Variants in BTRC observed in about 807,000 individuals in gnomAD.
BTRC encodes the protein beta-transducin repeat containing E3 ubiquitin protein ligase.
A neutral mutation model predicts 85.5 loss-of-function variants in BTRC; 42 were observed. The observed-to-expected ratio is 0.49, with a 90% confidence interval of 0.38 to 0.64. BTRC has a LOEUF of 0.64. BTRC is among the 30% of genes least tolerant of loss of function. The probability of loss-of-function intolerance (pLI) is 0.00; values close to 1 mark genes in which losing one functional copy is unlikely to be tolerated. For synonymous variants in BTRC, 255 were observed against 263.3 expected, an observed-to-expected ratio of 0.97 and a Z score of 0.30; for missense variants, 594 against 743.5, an observed-to-expected ratio of 0.80 and a Z score of 2.34.
chr10:101,427,342 T>G (rs1475016415), intron 1 of BTRC, among the ~76,000 whole-genome samples: 2 of 152,002 alleles, frequency 1.3e-5, no homozygotes, highest in Non-Finnish European at 2.9e-5. Flanking sequence ...GGTCTTGATC[T>G]CTTGACCTTG....
chr10:101,425,433 G>A (rs958676360), intron 1 of BTRC, among the ~76,000 whole-genome samples: 1 of 152,112 alleles, frequency 6.6e-6, no homozygotes, highest in Non-Finnish European at 1.5e-5. Context: ...ACGTTAGGTG[G>A]GAACTGAGCT....
At chr10:101,390,848 T>C (rs1386463468) in intron 1 of BTRC, among the ~76,000 whole-genome samples, 1 of 152,154 alleles carries the variant, frequency 6.6e-6, no homozygotes, top group African/African-American at 2.4e-5. Context: ...AATTTTCCTG[T>C]CCCAAGCAGC....
chr10:101,450,929 G>A (rs760763226), intron 2 of BTRC, among the ~76,000 whole-genome samples: 4 of 152,070 alleles, frequency 2.6e-5, no homozygotes, highest in Non-Finnish European at 4.4e-5. Context: ...TAATATATGT[G>A]CTCAGTAACT....
chr10:101,494,473 A>G (rs1946210761), intron 4 of BTRC, among the ~76,000 whole-genome samples: 2 of 152,238 alleles, frequency 1.3e-5, no homozygotes, highest in African/African-American at 2.4e-5. Flanking sequence ...AATGTTTGCT[A>G]TATCATAACT....
intron 4 of BTRC, among the ~76,000 whole-genome samples, chr10:101,514,050 T>G (rs1318735249): frequency 6.6e-6 from 1 of 152,254 alleles, no homozygotes; most frequent in Non-Finnish European, 1.5e-5. Flanking sequence ...TTTCATATGC[T>G]TATTGGCATC....
chr10:101,429,519 C>T, intron 1 of BTRC, among the ~76,000 whole-genome samples: 1 of 123,970 alleles, frequency 8.1e-6, no homozygotes, highest in African/African-American at 3.0e-5. Context: ...CCCTCCCCTC[C>T]CTCCCTTCCT....
At chr10:101,420,841 G>A (rs1944081996) in intron 1 of BTRC, among the ~76,000 whole-genome samples, 1 of 151,672 alleles carries the variant, frequency 6.6e-6, no homozygotes, top group African/African-American at 2.4e-5. Flanking sequence ...AGAGGGAGAG[G>A]TATCAGTTAA....
At chr10:101,373,939 G>C (rs1428605216) in intron 1 of BTRC, among the ~76,000 whole-genome samples, 1 of 124,100 alleles carries the variant, frequency 8.1e-6, no homozygotes, top group Admixed American at 8.2e-5. Context: ...AAACAAGACA[G>C]AAAAAAAAAA....
chr10:101,354,607 C>A, intron 1 of BTRC: 1 of 278,448 alleles, frequency 3.6e-6, no homozygotes, highest in Non-Finnish European at 6.7e-6. Context: ...GTCAGGGTTA[C>A]CGGTAAGGCC....
chr10:101,481,732 G>GT (rs1945839617), intron 4 of BTRC, among the ~76,000 whole-genome samples: 1 of 152,116 alleles, frequency 6.6e-6, no homozygotes, highest in Admixed American at 6.5e-5. Flanking sequence ...CTCCCAGGTG[G>GT]TGACCTTCTC....
At chr10:101,534,587 A>G (rs533599455) in intron 9 of BTRC, 74 bp from the exon 10 acceptor site, 2 of 1,570,146 alleles carry the variant, frequency 1.3e-6, no homozygotes, top group African/African-American at 2.7e-5. Flanking sequence ...AAGGGGTGGA[A>G]GGGCGCATGA....
At chr10:101,468,045 C>T (rs1043815755) in intron 3 of BTRC, among the ~76,000 whole-genome samples, 4 of 152,070 alleles carry the variant, frequency 2.6e-5, no homozygotes, top group Admixed American at 6.6e-5. Context: ...TAAGAAAACA[C>T]GGTTTGGCAA....
intron 4 of BTRC, among the ~76,000 whole-genome samples, chr10:101,484,044 A>C (rs565833959): frequency 6.6e-6 from 1 of 152,212 alleles, no homozygotes; most frequent in Non-Finnish European, 1.5e-5. Flanking sequence ...GAATACATCT[A>C]TCCAGATTCC....
chr10:101,428,520 T>C (rs1433941286), intron 1 of BTRC, among the ~76,000 whole-genome samples: 1 of 152,224 alleles, frequency 6.6e-6, no homozygotes, highest in Non-Finnish European at 1.5e-5. Context: ...TGTTATCTGG[T>C]GATGCCTTTA....
At chr10:101,396,391 G>A (rs1243091425) in intron 1 of BTRC, among the ~76,000 whole-genome samples, 1 of 150,170 alleles carries the variant, frequency 6.7e-6, no homozygotes, top group African/African-American at 2.5e-5. Flanking sequence ...GCGAAAACTT[G>A]AATGGGAGGT....
chr10:101,445,613 C>G (rs1944803817), intron 2 of BTRC, among the ~76,000 whole-genome samples: 2 of 152,150 alleles, frequency 1.3e-5, no homozygotes. Flanking sequence ...CTATTGGTCT[C>G]TTTTTAAATC....
In BTRC at chr10:101,522,409, CTTT is replaced by C. The variant is rs1176651688; in HGVS notation, c.556+565_556+567del. ...AAAAAAACTCTAGAAATAAAGACTC[CTTT>C]TTTTTTTTTTTTTTTTTTTTTTTTT... On this transcript the variant is annotated intron_variant, in intron 5 of 14. Transcript: ENST00000370187. 3.5e-3 allele frequency among the ~76,000 whole-genome samples: 104 copies of C among 29,538 alleles called. 1 individual carries two copies. The highest frequency in any genetic ancestry group is 6.0e-3 in the African/African-American group (46 of 7,652). The allele number at this position is 29,538 out of a possible 152,430, so 19.4% of individuals were successfully genotyped here. A position where few individuals can be genotyped will look rare whatever the true frequency, so the allele number is the denominator to read the frequency against.
intron 2 of BTRC, among the ~76,000 whole-genome samples, chr10:101,442,297 T>C (rs1944706941): frequency 7.1e-5 from 1 of 14,116 alleles, no homozygotes; most frequent in Non-Finnish European, 1.3e-4. Context: ...TCTGTGTGTA[T>C]GTGTGTGTGT....
At chr10:101,510,424 G>A (rs1946672239) in intron 4 of BTRC, among the ~76,000 whole-genome samples, 3 of 151,186 alleles carry the variant, frequency 2.0e-5, no homozygotes, top group Admixed American at 2.0e-4. Context: ...GCAGGAGAAT[G>A]GCGTGAACCC....
Sources: gnomAD v4.1 joint callset for allele counts (sites outside exome capture counted in the v4.1 genomes callset) on GRCh38, gnomAD v4.1.1 for gene constraint, MANE v1.5 for transcripts, NCBI Gene and HGNC (gene_info 2026-07-23, HGNC 2026-07-21) for gene names.